RESP18: variants seen among roughly 807,000 people sequenced by gnomAD.
The protein encoded by RESP18 is regulated endocrine-specific protein 18.
Under a neutral mutation model 30.0 loss-of-function variants are expected in RESP18, and 30 were observed. That is an observed-to-expected ratio of 1.00 (90% CI 0.75 to 1.36). RESP18 has a LOEUF of 1.36. RESP18 is among the 40% of genes most tolerant of loss of function. The probability of loss-of-function intolerance (pLI) is 0.00; values close to 1 mark genes in which losing one functional copy is unlikely to be tolerated. For missense variants in RESP18, 320 were observed against 284.2 expected, an observed-to-expected ratio of 1.13 and a Z score of -0.91; for synonymous variants, 117 against 111.2, an observed-to-expected ratio of 1.05 and a Z score of -0.33.
chr2:219,332,524 CGTG>C lies in RESP18; in HGVS notation c.229_231del (p.His77del). On this transcript the variant is annotated inframe_deletion and splice_region_variant, in exon 2 of 7. Transcript: ENST00000333527. Reference sequence around the variant, plus strand: ...CGCACCCCCCAGGGTTCCTCCTGACCGTGGGCACTAGTGTCGCTGCAGCCCCCC... The same window carrying C: ...CGCACCCCCCAGGGTTCCTCCTGACCGGCACTAGTGTCGCTGCAGCCCCCC... 1 of 1,550,280 alleles carries C rather than the reference CGTG, an allele frequency of 6.5e-7. No homozygotes were observed. Among genetic ancestry groups the C allele is most frequent in the Non-Finnish European group, 8.7e-7 (1 of 1,146,528 alleles).
Position 219,329,238 on chromosome 2 carries a change from C to G in RESP18, c.480G>C (p.Lys160Asn). 6.4e-7 allele frequency: 1 copy of G among 1,551,674 alleles called. No homozygotes were observed. Among genetic ancestry groups the G allele is most frequent in the Admixed American group, 2.0e-5 (1 of 51,002 alleles). ...AGGTAAAGCACTGATCCCTGTTCAC[C>G]TTGGCCAGGGGGCTCTGTGAGGAGG... The change falls in exon 5 of 7, where the codon AAG (lysine) becomes AAC (asparagine). Residue 160 changes from lysine to asparagine, a missense_variant. By Grantham distance (94) the Lys-to-Asn change is moderately conservative. Transcript: ENST00000333527.
At chr2:219,329,314 A>C in intron 4 of RESP18, 62 bp from the exon 4 acceptor site, 1 of 1,551,770 alleles carries the variant, frequency 6.4e-7, no homozygotes, top group Non-Finnish European at 8.7e-7. Flanking sequence ...GCCCCACAGG[A>C]AAAGCAATTG....
Position 219,328,928 on chromosome 2 carries a change from G to T in RESP18, c.636C>A (p.Ile212=). 1 of 1,546,500 alleles carries T rather than the reference G, an allele frequency of 6.5e-7. No homozygotes were observed. Among genetic ancestry groups the T allele is most frequent in the East Asian group, 2.4e-5 (1 of 40,906 alleles). The change falls in exon 6 of 7, where the codon ATC becomes ATA. Residue 212 remains isoleucine, a synonymous_variant. Coordinates refer to ENST00000333527, the MANE Select transcript of RESP18 (RefSeq NM_001007089.4). ...TATTTTAAACTCAATACTTACGCAT[G>T]ATCTTATAGATAATTTCTTCCTTAG...
intron 3 of RESP18, among the ~76,000 whole-genome samples, chr2:219,330,270 CAAGG>C (rs1215095736): frequency 2.6e-5 from 4 of 152,138 alleles, no homozygotes; most frequent in Non-Finnish European, 5.9e-5. Context: ...AATATGAACT[CAAGG>C]AAGATTTCCT....
At position 219,327,505 on chromosome 2, in the gene RESP18, A is replaced by G. The variant is rs371196983; in HGVS notation, c.*12T>C. On this transcript the variant is annotated 3_prime_UTR_variant, in exon 7 of 7. Coordinates refer to ENST00000333527, the MANE Select transcript of RESP18 (RefSeq NM_001007089.4). ...GGGTGCTGGGGCAGGGAGGCTTCACATGAGGTCTCAATCAGCCACAGGGTT... is the reference window on the plus strand; with the variant it reads ...GGGTGCTGGGGCAGGGAGGCTTCACGTGAGGTCTCAATCAGCCACAGGGTT... The G allele has an allele frequency of 6.4e-7, 1 of 1,551,290 alleles. No homozygotes were observed. Among genetic ancestry groups the G allele is most frequent in the Non-Finnish European group, 8.7e-7 (1 of 1,146,626 alleles).
intron 6 of RESP18, among the ~76,000 whole-genome samples, chr2:219,327,828 C>T (rs1026953611): frequency 6.6e-6 from 1 of 152,212 alleles, no homozygotes; most frequent in South Asian, 2.1e-4. Context: ...AACCAGTCCC[C>T]CACAGGTAGG....
At position 219,329,629 on chromosome 2, in the gene RESP18, C is replaced by T. The variant is rs368495752; in HGVS notation, c.465+8G>A. On this transcript the variant is annotated splice_region_variant and intron_variant, in intron 4 of 6. Transcript: ENST00000333527. Reference sequence around the variant, plus strand: ...GCTTGGAATGACCACAGGCCTCATGCACCTCACCTCAGTGGTTTTAGTGGG... The same window carrying T: ...GCTTGGAATGACCACAGGCCTCATGTACCTCACCTCAGTGGTTTTAGTGGG... The T allele has an allele frequency of 9.3e-5, 145 of 1,551,262 alleles. No individual in the cohort carries two copies. The highest frequency in any genetic ancestry group is 1.2e-4 in the Non-Finnish European group (132 of 1,146,960).
rs370509794 is a variant in RESP18, at chr2:219,329,181, C to T, written c.537G>A (p.Glu179=). 7.8e-5 allele frequency: 121 copies of T among 1,551,694 alleles called. 1 individual carries two copies. In the South Asian group the frequency reaches 1.4e-3, roughly 18 times the overall value. Residue 179 remains glutamate, a synonymous_variant, in exon 5 of 7, where the codon GAG becomes GAA. Coordinates refer to ENST00000333527, the MANE Select transcript of RESP18 (RefSeq NM_001007089.4). Reference sequence around the variant, plus strand: ...CCCTCACCTTGACAGGGTTGGCCACCTCTTGTTTCAGGGCCTTAGAAACCA... The same window carrying T: ...CCCTCACCTTGACAGGGTTGGCCACTTCTTGTTTCAGGGCCTTAGAAACCA...
intron 3 of RESP18, among the ~76,000 whole-genome samples, chr2:219,330,535 G>T (rs4674376): frequency 0.38 from 50,242 of 130,834 alleles, 9,358 homozygotes; most frequent in East Asian, 0.62. Flanking sequence ...TTTCAGTTTT[G>T]TTTTTTTTTT....
intron 4 of RESP18, 187 bp from the exon 4 acceptor site, chr2:219,329,439 G>A: frequency 6.4e-7 from 1 of 1,550,986 alleles, no homozygotes; most frequent in Non-Finnish European, 8.7e-7. Flanking sequence ...TTGGACCTAG[G>A]CTTGCCACAC....
chr2:219,330,820 G>C lies in RESP18; in HGVS notation c.288C>G (p.Thr96=), dbSNP rs539890856. The change falls in exon 3 of 7, where the codon ACC becomes ACG. Residue 96 remains threonine (T), a synonymous_variant. Coordinates refer to ENST00000333527, the MANE Select transcript of RESP18 (RefSeq NM_001007089.4). ...CAACCTGTAAATGCTGGAAGACTGG[G>C]GTGGCAAATCCTTGGAGGGGCCAAA... 1 of 1,551,508 alleles carries C rather than the reference G, an allele frequency of 6.4e-7. No individual in the cohort carries two copies. Among genetic ancestry groups the C allele is most frequent in the East Asian group, 2.4e-5 (1 of 40,922 alleles).
chr2:219,328,976 G>C lies in RESP18; in HGVS notation c.588C>G (p.Asp196Glu). 1 of 1,551,330 alleles carries C rather than the reference G, an allele frequency of 6.4e-7. No homozygotes were observed. The highest frequency in any genetic ancestry group is 2.4e-5 in the East Asian group (1 of 40,924). ...TAGAGGGTCCCGGCGCCTGCATCAT[G>C]TCCAGCCCCCCATATGAACACCTAT... Residue 196 changes from aspartate (D) to glutamate (E), a missense_variant, in exon 6 of 7, where the codon GAC becomes GAG. Coordinates refer to ENST00000333527, the MANE Select transcript of RESP18 (RefSeq NM_001007089.4).
Position 219,332,727 on chromosome 2 carries a change from G to C in RESP18, c.29C>G (p.Ala10Gly), listed in dbSNP as rs577316698. Residue 10 changes from alanine (A) to glycine (G), a missense_variant, in exon 2 of 7, where the codon GCG becomes GGG. By Grantham distance (60) the Ala-to-Gly change is moderately conservative. Transcript: ENST00000333527. The stretch of plus-strand genomic sequence containing the variant: ...CGGGGCTGCAGCTTCCCACCAGCCC[G>C]CGACTCCGAATCTGTTTAACCCTCC... The C allele has an allele frequency of 5.8e-6, 9 of 1,545,368 alleles. No homozygotes were observed. The highest frequency in any genetic ancestry group is 1.7e-4 in the Middle Eastern group (1 of 5,966).
chr2:219,332,827 C>T (rs1952847036), intron 1 of RESP18, 83 bp from the exon 1 acceptor site: 2 of 1,055,624 alleles, frequency 1.9e-6, no homozygotes, highest in Non-Finnish European at 1.3e-6. Context: ...ACCGCCTCCC[C>T]ACCCTCATCT....
chr2:219,329,241 G>C lies in RESP18; in HGVS notation c.477C>G (p.Ala159=), dbSNP rs1156434640. ...TAAAGCACTGATCCCTGTTCACCTT[G>C]GCCAGGGGGCTCTGTGAGGAGGGAA... Residue 159 remains alanine (A), a synonymous_variant, in exon 5 of 7, where the codon GCC becomes GCG. Transcript: ENST00000333527. 4 of 1,551,702 alleles carry C rather than the reference G, an allele frequency of 2.6e-6. No individual in the cohort carries two copies. In the East Asian group the frequency reaches 9.8e-5, roughly 38 times the overall value.
At chr2:219,332,498 C>A in intron 2 of RESP18, 26 bp downstream of exon 1, 5 of 1,534,464 alleles carry the variant, frequency 3.3e-6, no homozygotes, top group Non-Finnish European at 4.4e-6. Context: ...TTGGCCCTGC[C>A]CGCACCCCCC....
At chr2:219,327,882 C>A (rs959888045) in intron 6 of RESP18, among the ~76,000 whole-genome samples, 5 of 151,708 alleles carry the variant, frequency 3.3e-5, no homozygotes, top group African/African-American at 1.2e-4. Context: ...GTTGCCCCAG[C>A]AACCAATCCA....
At chr2:219,332,341 T>C (rs1952839950) in intron 2 of RESP18, among the ~76,000 whole-genome samples, 183 bp downstream of exon 1, 1 of 152,180 alleles carries the variant, frequency 6.6e-6, no homozygotes, top group Non-Finnish European at 1.5e-5. Context: ...CCAGACCCCA[T>C]ATGCCCAGCC....
chr2:219,327,694 C>A (rs549508760), intron 6 of RESP18, 131 bp from the exon 6 acceptor site: 6 of 767,712 alleles, frequency 7.8e-6, no homozygotes, highest in Non-Finnish European at 1.3e-5. Flanking sequence ...TGACAGCTCA[C>A]CAACTGAGAG....
Sources: allele counts gnomAD v4.1 joint callset (sites outside exome capture counted in the v4.1 genomes callset), GRCh38; gene constraint gnomAD v4.1.1; transcripts MANE v1.5; gene names NCBI Gene and HGNC (gene_info 2026-07-23, HGNC 2026-07-21).